The following FAM120B variants were observed in gnomAD, a reference collection of about 807,000 sequenced individuals.
FAM120B encodes constitutive coactivator of peroxisome proliferator-activated receptor gamma.
Under a neutral mutation model 96.3 loss-of-function variants are expected in FAM120B, and 83 were observed. The ratio of observed to expected loss-of-function variants is 0.86; its 90% CI spans 0.72 to 1.03. The LOEUF (loss-of-function observed/expected upper bound fraction) is 1.03. Ranked by LOEUF, FAM120B falls within the 50% of genes least tolerant of loss-of-function variation. The pLI, the probability that FAM120B is intolerant of heterozygous loss-of-function variation, is 0.00. For synonymous variants in FAM120B, 407 were observed against 402.7 expected (o/e 1.01, Z -0.13); for missense variants, 1,027 against 1,121.2 (o/e 0.92, Z 1.20).
intron 4 of FAM120B, among the ~76,000 whole-genome samples, chr6:170,334,092 G>A (rs925832180): frequency 2.6e-5 from 4 of 152,122 alleles, no homozygotes; most frequent in African/African-American, 9.7e-5. Flanking sequence ...TTGGAGATTT[G>A]TCAATTCTTC....
Position 170,318,916 on chromosome 6 carries a change from C to A in FAM120B, c.1526C>A (p.Pro509His), listed in dbSNP as rs376805450. 1.1e-5 allele frequency: 17 copies of A among 1,614,038 alleles called. No individual in the cohort carries two copies. The highest frequency in any genetic ancestry group is 1.4e-5 in the Non-Finnish European group (16 of 1,180,022). Residue 509 changes from proline to histidine, a missense_variant, in exon 2 of 11, where the codon CCC becomes CAC. Physicochemically the swap from Pro to His is moderately conservative, Grantham distance 77. Transcript: ENST00000476287. ...CTGHESKQEV[P>H]ICTDPISKQE... is the part of the protein sequence containing the mutation. ...GGCCATGAATCCAAACAGGAAGTTCCCATATGTACAGATCCTATATCCAAG... is the reference window on the plus strand; with the variant it reads ...GGCCATGAATCCAAACAGGAAGTTCACATATGTACAGATCCTATATCCAAG...
At chr6:170,397,144 TTAGGGCTGCTTG>T (rs1189424466) in intron 9 of FAM120B, among the ~76,000 whole-genome samples, 44 of 152,266 alleles carry the variant, frequency 2.9e-4, no homozygotes, top group African/African-American at 9.4e-4. Flanking sequence ...GCCGTGCACA[TTAGGGCTGCTTG>T]GGAAGAGTGC....
intron 6 of FAM120B, among the ~76,000 whole-genome samples, chr6:170,364,934 T>C (rs1184716026): frequency 2.0e-5 from 3 of 152,170 alleles, no homozygotes; most frequent in East Asian, 3.9e-4. Flanking sequence ...CATGTTCATA[T>C]AGATGACCAT....
intron 5 of FAM120B, among the ~76,000 whole-genome samples, chr6:170,353,238 T>C (rs1326561263): frequency 1.3e-5 from 2 of 152,044 alleles, no homozygotes; most frequent in Non-Finnish European, 2.9e-5. Flanking sequence ...AGTTCTGAAA[T>C]TAAGGCAATA....
chr6:170,368,375 A>C (rs1429227172), intron 6 of FAM120B, among the ~76,000 whole-genome samples: 1 of 152,224 alleles, frequency 6.6e-6, no homozygotes, highest in Non-Finnish European at 1.5e-5. Context: ...AAACCTTCTC[A>C]TAAAAGATCT....
intron 6 of FAM120B, among the ~76,000 whole-genome samples, chr6:170,369,088 G>A (rs1789004651): frequency 6.6e-6 from 1 of 152,204 alleles, no homozygotes; most frequent in Non-Finnish European, 1.5e-5. Context: ...CTGGGCTTCT[G>A]TAAACACAGA....
intron 6 of FAM120B, among the ~76,000 whole-genome samples, chr6:170,359,857 G>A (rs988394771): frequency 6.6e-6 from 1 of 152,144 alleles, no homozygotes; most frequent in Non-Finnish European, 1.5e-5. Context: ...TATCCAAAAA[G>A]TGGCCTTTTT....
intron 5 of FAM120B, among the ~76,000 whole-genome samples, chr6:170,352,484 A>G (rs991802009): frequency 6.6e-6 from 1 of 152,234 alleles, no homozygotes. Flanking sequence ...CATTCTTCTC[A>G]TTGCTGCTCG....
At chr6:170,368,933 C>T (rs1191935536) in intron 6 of FAM120B, among the ~76,000 whole-genome samples, 1 of 150,766 alleles carries the variant, frequency 6.6e-6, no homozygotes, top group African/African-American at 2.4e-5. Flanking sequence ...GTAGGGTGCC[C>T]CCCACCCCCC....
intron 4 of FAM120B, among the ~76,000 whole-genome samples, chr6:170,332,849 G>A (rs1242579104): frequency 6.6e-6 from 1 of 152,012 alleles, no homozygotes; most frequent in Non-Finnish European, 1.5e-5. Context: ...GTTTTAATTA[G>A]GATAATCTCA....
chr6:170,355,564 G>T (rs1042915764), intron 5 of FAM120B, among the ~76,000 whole-genome samples: 5 of 152,002 alleles, frequency 3.3e-5, no homozygotes, highest in Non-Finnish European at 7.4e-5. Flanking sequence ...TGGGGACTGT[G>T]AGGGGGTCGG....
intron 6 of FAM120B, among the ~76,000 whole-genome samples, chr6:170,385,251 A>G (rs1353479736): frequency 6.6e-6 from 1 of 152,234 alleles, no homozygotes; most frequent in Non-Finnish European, 1.5e-5. Flanking sequence ...AGCAGAAACC[A>G]CAGTGGGCAT....
intron 2 of FAM120B, among the ~76,000 whole-genome samples, chr6:170,319,679 C>T (rs1785161904): frequency 6.6e-6 from 1 of 152,110 alleles, no homozygotes; most frequent in Non-Finnish European, 1.5e-5. Flanking sequence ...AAATAAAGTA[C>T]AGGGAGAAGT....
At chr6:170,351,486 A>T (rs754300802) in intron 5 of FAM120B, among the ~76,000 whole-genome samples, 1 of 152,240 alleles carries the variant, frequency 6.6e-6, no homozygotes, top group East Asian at 1.9e-4. Flanking sequence ...ACCCCAAGAC[A>T]CATAATCATC....
intron 2 of FAM120B, among the ~76,000 whole-genome samples, chr6:170,321,507 A>T (rs1458707007): frequency 6.6e-6 from 1 of 152,178 alleles, no homozygotes; most frequent in Admixed American, 6.5e-5. Flanking sequence ...CCTCCTGAGT[A>T]GCTGGGACTA....
intron 6 of FAM120B, among the ~76,000 whole-genome samples, chr6:170,368,815 G>A (rs1788967949): frequency 1.4e-5 from 1 of 71,114 alleles, no homozygotes; most frequent in African/African-American, 4.4e-5. Flanking sequence ...GCTGTCTGCC[G>A]GGGCTGGGGG....
chr6:170,346,662 G>T (rs549163403), intron 4 of FAM120B, among the ~76,000 whole-genome samples: 1 of 152,104 alleles, frequency 6.6e-6, no homozygotes, highest in East Asian at 1.9e-4. Context: ...CTCAGTTGCT[G>T]TAATTGGAAT....
At chr6:170,377,082 C>G (rs1200741630) in intron 6 of FAM120B, among the ~76,000 whole-genome samples, 48 of 118,528 alleles carry the variant, frequency 4.0e-4, no homozygotes, top group African/African-American at 1.6e-3. Flanking sequence ...CACAGGCTCA[C>G]GCTGCTCGGT....
At chr6:170,323,328 GAAATAGAGTGCAT>G in intron 3 of FAM120B, 69 bp downstream of exon 3, 1 of 1,274,940 alleles carries the variant, frequency 7.8e-7, no homozygotes, top group South Asian at 1.4e-5. Flanking sequence ...CTGGCCAGAT[GAAATAGAGTGCAT>G]TCTTTCAAGA....
Sources: allele counts gnomAD v4.1 joint callset (sites outside exome capture counted in the v4.1 genomes callset), GRCh38; gene constraint gnomAD v4.1.1; transcripts MANE v1.5; gene names NCBI Gene and HGNC (gene_info 2026-07-23, HGNC 2026-07-21).